The following ZCCHC2 variants were observed in gnomAD, a reference collection of about 807,000 sequenced individuals.
The protein encoded by ZCCHC2 is zinc finger CCHC-type containing 2.
Under a neutral mutation model 103.6 loss-of-function variants are expected in ZCCHC2, and 39 were observed. The observed-to-expected ratio is 0.38, with a 90% CI of 0.29 to 0.49. ZCCHC2 has a LOEUF of 0.49. Among genes scored for constraint, ZCCHC2 ranks in the 20% least tolerant of loss-of-function variants. The pLI, the probability that ZCCHC2 is intolerant of heterozygous loss-of-function variation, is 0.96. For missense variants in ZCCHC2, 1,483 were observed against 1,491.0 expected (o/e 0.99, Z 0.09); for synonymous variants, 687 against 608.9 (o/e 1.13, Z -1.89).
intron 11 of ZCCHC2, among the ~76,000 whole-genome samples, chr18:62,569,542 GAT>G (rs1916507750): frequency 6.6e-6 from 1 of 151,524 alleles, no homozygotes; most frequent in Non-Finnish European, 1.5e-5. Flanking sequence ...TCCAATACTA[GAT>G]ACACCGATAG....
intron 1 of ZCCHC2, among the ~76,000 whole-genome samples, chr18:62,536,046 G>A (rs572582338): frequency 5.9e-5 from 9 of 152,320 alleles, no homozygotes; most frequent in African/African-American, 1.9e-4. Flanking sequence ...CTCCATCTAT[G>A]ACCTTTGTTC....
intron 1 of ZCCHC2, among the ~76,000 whole-genome samples, chr18:62,538,332 G>A: frequency 6.6e-6 from 1 of 150,694 alleles, no homozygotes; most frequent in Non-Finnish European, 1.5e-5. Context: ...ACAACTATTT[G>A]AGAGGATTAT....
At chr18:62,573,565 AC>A (rs1421007868) in intron 12 of ZCCHC2, among the ~76,000 whole-genome samples, 1 of 150,884 alleles carries the variant, frequency 6.6e-6, no homozygotes, top group Non-Finnish European at 1.5e-5. Context: ...TCTAAAAAAA[AC>A]AACAACAACA....
At chr18:62,570,457 T>C (rs988067628) in intron 12 of ZCCHC2, among the ~76,000 whole-genome samples, 11 of 152,200 alleles carry the variant, frequency 7.2e-5, no homozygotes, top group African/African-American at 2.7e-4. Flanking sequence ...GCATATGAAG[T>C]TAAGTAGGAT....
At chr18:62,527,857 T>C (rs908379577) in intron 1 of ZCCHC2, among the ~76,000 whole-genome samples, 2 of 152,364 alleles carry the variant, frequency 1.3e-5, no homozygotes, top group South Asian at 2.1e-4. Flanking sequence ...AAAATGCCTA[T>C]GTATTTTAAA....
In ZCCHC2 at chr18:62,523,288, G is replaced by C. The variant is rs1483114671; in HGVS notation, c.-137G>C. ...CCGCCCCCCTCGCCGGCCGAGACCC[G>C]CCCCCGGCCCCGGCCCTCCCCCGGC... On this transcript the variant is annotated 5_prime_UTR_variant, in exon 1 of 14. Transcript: ENST00000269499. The C allele has an allele frequency of 4.3e-5, 28 of 649,714 alleles. No homozygotes were observed. The highest frequency in any genetic ancestry group is 1.4e-4 in the East Asian group (1 of 6,928). The allele number at this position is 649,714 out of a possible 1,614,324, so 40.2% of individuals were successfully genotyped here.
exon 15 of ZCCHC2, chr18:62,585,502 G>A (rs1027529651): frequency 6.6e-6 from 1 of 152,244 alleles, no homozygotes; most frequent in East Asian, 1.9e-4. Context: ...CCACCAGGCT[G>A]CCTGGCAGTT....
intron 1 of ZCCHC2, among the ~76,000 whole-genome samples, chr18:62,534,040 G>A (rs1480829363): frequency 1.3e-5 from 2 of 152,294 alleles, no homozygotes; most frequent in South Asian, 2.1e-4. Flanking sequence ...CGTGGAACAA[G>A]TGTAGATTTG....
intron 1 of ZCCHC2, chr18:62,525,988 A>G (rs1054434404): frequency 6.6e-6 from 1 of 152,226 alleles, no homozygotes; most frequent in African/African-American, 2.4e-5. Flanking sequence ...TCTAAAGAAA[A>G]TGTCCCACAG....
Position 62,574,875 on chromosome 18 carries a change from A to G in ZCCHC2, c.2794A>G (p.Asn932Asp), listed in dbSNP as rs778756757. 1.2e-6 allele frequency: 2 copies of G among 1,613,870 alleles called. No individual in the cohort carries two copies. Among genetic ancestry groups the G allele is most frequent in the Non-Finnish European group, 1.7e-6 (2 of 1,179,884 alleles). ...TGCTGCCGGCGTGTTACCCAGCCAG[A>G]ACTCCAGTGTGCTCAGCACAGCAGC... is the stretch of plus-strand genomic sequence containing the variant. ...PLAAGVLPSQ[N>D]SSVLSTAATS... The change falls in exon 13 of 14, where the codon AAC (asparagine) becomes GAC (aspartate). Residue 932 changes from asparagine to aspartate, a missense_variant. Asn to Asp is a conservative substitution (Grantham distance 23). Coordinates refer to ENST00000269499, the MANE Select transcript of ZCCHC2 (RefSeq NM_017742.6).
chr18:62,552,569 C>G (rs1360726252), intron 5 of ZCCHC2: 6 of 152,010 alleles, frequency 3.9e-5, no homozygotes, highest in African/African-American at 1.4e-4. Flanking sequence ...TGGAAGGAGC[C>G]ATTTTCAAAA....
chr18:62,546,906 GC>G (rs1221067743), intron 4 of ZCCHC2, among the ~76,000 whole-genome samples: 4 of 152,330 alleles, frequency 2.6e-5, no homozygotes, highest in African/African-American at 9.6e-5. Context: ...TAGTATAAAT[GC>G]CTCTCAGTTA....
At chr18:62,558,450 GAT>G (rs1431744963) in intron 6 of ZCCHC2, 1 of 270,834 alleles carries the variant, frequency 3.7e-6, no homozygotes, top group African/African-American at 2.2e-5. Context: ...GGGGCTGACA[GAT>G]ATGAAATGAC....
chr18:62,573,883 A>G (rs751684129), intron 12 of ZCCHC2, among the ~76,000 whole-genome samples, 174 bp from the exon 13 acceptor site: 4 of 152,238 alleles, frequency 2.6e-5, no homozygotes, highest in Non-Finnish European at 4.4e-5. Flanking sequence ...GCGTTGATCT[A>G]ATATCGACCC....
chr18:62,566,313 T>C (rs938386294), intron 11 of ZCCHC2, among the ~76,000 whole-genome samples: 5 of 152,118 alleles, frequency 3.3e-5, no homozygotes, highest in South Asian at 2.1e-4. Flanking sequence ...GCATTGGAAG[T>C]GGGAGTAAAA....
rs1916929473 is a variant in ZCCHC2 at position 62,578,113 on chromosome 18, T to G, written c.*1534T>G. The G allele has an allele frequency of 6.6e-6, 1 of 152,634 alleles. No homozygotes were observed. Among genetic ancestry groups the G allele is most frequent in the Non-Finnish European group, 1.5e-5 (1 of 68,038 alleles). 9.5% of individuals were successfully genotyped at this position (152,634 alleles called of 1,614,324 possible). A position where few individuals can be genotyped will look rare whatever the true frequency, so the allele number is the denominator to read the frequency against. ...TAATTTCATGCTTCATAAGTAGCAT[T>G]TATATTTATAGCACCAATGTACATT... On this transcript the variant is annotated 3_prime_UTR_variant, in exon 14 of 14. Transcript: ENST00000269499.
chr18:62,579,304 A>G (rs1285873034), downstream of ZCCHC2, among the ~76,000 whole-genome samples: 3 of 152,222 alleles, frequency 2.0e-5, no homozygotes, highest in Non-Finnish European at 4.4e-5. Context: ...CTCTCTCAGT[A>G]TAATGTGTAC....
chr18:62,532,179 C>T (rs761040815), intron 1 of ZCCHC2, among the ~76,000 whole-genome samples: 2 of 152,224 alleles, frequency 1.3e-5, no homozygotes, highest in South Asian at 2.1e-4. Flanking sequence ...TCAACTGTCA[C>T]TCTAATGTGA....
At chr18:62,536,686 T>G (rs989604986) in intron 1 of ZCCHC2, among the ~76,000 whole-genome samples, 3 of 152,224 alleles carry the variant, frequency 2.0e-5, no homozygotes, top group African/African-American at 7.2e-5. Context: ...TAGTAATAGC[T>G]TCTAAACATA....
Sources: allele counts gnomAD v4.1 joint callset (sites outside exome capture counted in the v4.1 genomes callset), GRCh38; gene constraint gnomAD v4.1.1; transcripts MANE v1.5; gene names NCBI Gene and HGNC (gene_info 2026-07-23, HGNC 2026-07-21).